ATP8A2: variants seen among roughly 807,000 people sequenced by gnomAD.
The protein encoded by ATP8A2 is phospholipid-transporting ATPase IB.
In ATP8A2, 100 loss-of-function variants were observed where a neutral mutation model predicts 165.6. That is an observed-to-expected ratio of 0.60 (90% CI 0.51 to 0.71). The LOEUF (loss-of-function observed/expected upper bound fraction) is 0.71. Ranked by LOEUF, ATP8A2 falls within the 30% of genes least tolerant of loss-of-function variation. The pLI is 0.00. For missense variants in ATP8A2, 1,227 were observed against 1,479.5 expected (o/e 0.83, Z 2.80); for synonymous variants, 543 against 548.8 (o/e 0.99, Z 0.15).
In ATP8A2 at chr13:25,430,235, C is replaced by T. The variant is rs558842368; in HGVS notation, c.77-38742C>T. ...CAGAAAAAGAGGCTGTGACCTCTGGCGAATGTGCAGCCTGAGACGGGGGCT... is the reference window on the plus strand; with the variant it reads ...CAGAAAAAGAGGCTGTGACCTCTGGTGAATGTGCAGCCTGAGACGGGGGCT... On this transcript the variant is annotated intron_variant, in intron 1 of 36. Transcript: ENST00000381655. Among the ~76,000 whole-genome samples the T allele has an allele frequency of 1.3e-4, 20 of 151,746 alleles. No individual in the cohort carries two copies. In the South Asian group the frequency reaches 1.7e-3, roughly 13 times the overall value.
At chr13:25,879,863 C>T (rs577750696) in intron 33 of ATP8A2, among the ~76,000 whole-genome samples, 10 of 152,336 alleles carry the variant, frequency 6.6e-5, no homozygotes, top group African/African-American at 2.4e-4. Flanking sequence ...TCTTGAATAT[C>T]TTCTCCCAGT....
At chr13:25,846,650 A>G (rs1951871544) in intron 30 of ATP8A2, among the ~76,000 whole-genome samples, 1 of 152,142 alleles carries the variant, frequency 6.6e-6, no homozygotes, top group South Asian at 2.1e-4. Context: ...TAAGTGTAAT[A>G]AGGCCATTGG....
At chr13:25,492,390 T>C (rs2036554203) in intron 2 of ATP8A2, among the ~76,000 whole-genome samples, 1 of 152,214 alleles carries the variant, frequency 6.6e-6, no homozygotes, top group African/African-American at 2.4e-5. Flanking sequence ...TTTTTGCTGT[T>C]TGTTTCTTTT....
At chr13:25,656,914 A>G (rs960728093) in intron 24 of ATP8A2, among the ~76,000 whole-genome samples, 2 of 151,484 alleles carry the variant, frequency 1.3e-5, no homozygotes, top group Non-Finnish European at 2.9e-5. Context: ...TTAGCTGGGC[A>G]TGGTGGTGCA....
chr13:25,514,266 C>A (rs891081863), intron 2 of ATP8A2, among the ~76,000 whole-genome samples: 2 of 152,158 alleles, frequency 1.3e-5, no homozygotes, highest in Admixed American at 6.5e-5. Context: ...CATCTTATGA[C>A]TCTGAGGATA....
At chr13:25,823,715 T>A (rs1435721981) in intron 27 of ATP8A2, among the ~76,000 whole-genome samples, 1 of 152,196 alleles carries the variant, frequency 6.6e-6, no homozygotes, top group African/African-American at 2.4e-5. Flanking sequence ...TAGCAGGACA[T>A]GTGTGGGTAT....
intron 27 of ATP8A2, among the ~76,000 whole-genome samples, chr13:25,784,681 A>G (rs2044977755): frequency 6.6e-6 from 1 of 152,186 alleles, no homozygotes; most frequent in South Asian, 2.1e-4. Flanking sequence ...CTTTTAGGAA[A>G]TGCTTTTCTT....
At chr13:25,895,224 A>T (rs1458431142) in intron 33 of ATP8A2, among the ~76,000 whole-genome samples, 2 of 152,280 alleles carry the variant, frequency 1.3e-5, no homozygotes, top group South Asian at 4.1e-4. Context: ...TACCTAATTT[A>T]TTGAGAGTTT....
At chr13:25,531,390 ATATATGAT>A (rs2038089853) in intron 4 of ATP8A2, among the ~76,000 whole-genome samples, 3 of 80,252 alleles carry the variant, frequency 3.7e-5, no homozygotes, top group African/African-American at 2.2e-4. Flanking sequence ...TATATGATAT[ATATATGAT>A]TATATATATG....
At chr13:26,008,033 G>C (rs1344011501) in intron 35 of ATP8A2, among the ~76,000 whole-genome samples, 1 of 152,068 alleles carries the variant, frequency 6.6e-6, no homozygotes, top group Non-Finnish European at 1.5e-5. Context: ...TTATATGAGA[G>C]GTCCAATTTC....
At chr13:25,519,262 C>G (rs1168655976) in intron 2 of ATP8A2, among the ~76,000 whole-genome samples, 5 of 152,326 alleles carry the variant, frequency 3.3e-5, no homozygotes, top group Non-Finnish European at 7.4e-5. Context: ...CCTCGCCACT[C>G]TGTTGAAAAT....
At chr13:25,910,972 T>A (rs1405247012) in intron 33 of ATP8A2, among the ~76,000 whole-genome samples, 2 of 151,940 alleles carry the variant, frequency 1.3e-5, no homozygotes, top group Non-Finnish European at 2.9e-5. Context: ...GCTCCTCTGT[T>A]ATTTGGCGCA....
chr13:25,916,075 T>C (rs925977967), intron 33 of ATP8A2, among the ~76,000 whole-genome samples: 3 of 152,244 alleles, frequency 2.0e-5, no homozygotes, highest in East Asian at 1.9e-4. Context: ...CAGCTCTTGG[T>C]TGGTTTTGAA....
Position 25,581,989 on chromosome 13 carries a change from T to C in ATP8A2, c.2146+32T>C, listed in dbSNP as rs141051732. ...ATTTTTACAAATAATTTCCTGATGC[T>C]GGGTTTTGTATTTGTTTTTCAAGTA... On this transcript the variant is annotated intron_variant, in intron 23 of 36. Coordinates refer to ENST00000381655, the MANE Select transcript of ATP8A2 (RefSeq NM_016529.6). 2,179 of 1,579,606 alleles carry C rather than the reference T, an allele frequency of 1.4e-3. 4 individuals are homozygous for C. Among genetic ancestry groups the C allele is most frequent in the Non-Finnish European group, 1.7e-3 (1,983 of 1,159,438 alleles).
intron 25 of ATP8A2, among the ~76,000 whole-genome samples, chr13:25,732,246 C>G (rs1254183969): frequency 6.6e-6 from 1 of 152,204 alleles, no homozygotes; most frequent in Non-Finnish European, 1.5e-5. Flanking sequence ...CTCCAATATC[C>G]TTGCTAGATG....
At chr13:25,967,674 G>GT (rs1416071546) in intron 34 of ATP8A2, among the ~76,000 whole-genome samples, 5 of 152,094 alleles carry the variant, frequency 3.3e-5, no homozygotes, top group Non-Finnish European at 7.4e-5. Flanking sequence ...TCCCTTTGCA[G>GT]TTTTTTTCTC....
At position 25,955,187 on chromosome 13, in the gene ATP8A2, A is replaced by T. The variant is rs571596028; in HGVS notation, c.3184-6388A>T. On this transcript the variant is annotated intron_variant, in intron 33 of 36. Coordinates refer to ENST00000381655, the MANE Select transcript of ATP8A2 (RefSeq NM_016529.6). ...AAAGATCCAAAATTGACACCCAAAC[A>T]TCACAATAAAAGATTACATTAAAAG... 2.3e-4 allele frequency among the ~76,000 whole-genome samples: 35 copies of T among 152,316 alleles called. No individual in the cohort carries two copies. The East Asian group carries it at 6.4e-3, about 28-fold the overall frequency.
chr13:25,700,871 T>C (rs2042938071), intron 25 of ATP8A2, among the ~76,000 whole-genome samples: 1 of 152,232 alleles, frequency 6.6e-6, no homozygotes, highest in Non-Finnish European at 1.5e-5. Flanking sequence ...CACTTGTCGC[T>C]AGCTATCTTT....
intron 2 of ATP8A2, chr13:25,517,374 C>T (rs2037513366): frequency 6.6e-6 from 1 of 152,176 alleles, no homozygotes; most frequent in Non-Finnish European, 1.5e-5. Flanking sequence ...ATCTTCCTGG[C>T]AGCATGCTCA....
Sources: gnomAD v4.1 joint callset for allele counts (sites outside exome capture counted in the v4.1 genomes callset) on GRCh38, gnomAD v4.1.1 for gene constraint, MANE v1.5 for transcripts, NCBI Gene and HGNC (gene_info 2026-07-23, HGNC 2026-07-21) for gene names.